TCF7L2: variants seen among roughly 807,000 people sequenced by gnomAD.
TCF7L2 encodes transcription factor 7-like 2.
TCF7L2 carries 23 observed loss-of-function variants against 77.9 expected under a neutral mutation model. The ratio of observed to expected loss-of-function variants is 0.30; its 90% CI spans 0.21 to 0.42. The LOEUF is 0.42. Among genes scored for constraint, TCF7L2 ranks in the 10% least tolerant of loss-of-function variants. The pLI, the probability that TCF7L2 is intolerant of heterozygous loss-of-function variation, is 1.00. For missense variants in TCF7L2, 654 were observed against 793.1 expected, an observed-to-expected ratio of 0.82 and a Z score of 2.11; for synonymous variants, 413 against 340.2, an observed-to-expected ratio of 1.21 and a Z score of -2.36.
At chr10:113,094,073 T>G (rs994083589) in intron 5 of TCF7L2, among the ~76,000 whole-genome samples, 79 of 152,178 alleles carry the variant, frequency 5.2e-4, no homozygotes, top group Non-Finnish European at 9.7e-4. Context: ...TTGCATTTTT[T>G]GGGGTGTGTG....
At chr10:113,131,447 A>G (rs558224603) in intron 5 of TCF7L2, among the ~76,000 whole-genome samples, 1 of 152,282 alleles carries the variant, frequency 6.6e-6, no homozygotes, top group South Asian at 2.1e-4. Flanking sequence ...TGTGTTGCAA[A>G]TGTGTATGTT....
At chr10:113,011,988 A>T (rs547781200) in intron 4 of TCF7L2, among the ~76,000 whole-genome samples, 1 of 151,898 alleles carries the variant, frequency 6.6e-6, no homozygotes, top group Non-Finnish European at 1.5e-5. Flanking sequence ...TTACCGCCTC[A>T]AGTATTGCTC....
chr10:113,103,547 G>A (rs1284012127), intron 5 of TCF7L2, among the ~76,000 whole-genome samples: 4 of 152,200 alleles, frequency 2.6e-5, no homozygotes, highest in Non-Finnish European at 5.9e-5. Context: ...TTTGGAGGGT[G>A]AGCTTTGGAT....
intron 4 of TCF7L2, among the ~76,000 whole-genome samples, chr10:113,002,736 G>A (rs2044719591): frequency 6.6e-6 from 1 of 152,012 alleles, no homozygotes; most frequent in Non-Finnish European, 1.5e-5. Flanking sequence ...TAGAGGTTCT[G>A]TTAAAGTGCC....
In TCF7L2 at chr10:113,165,759, G is replaced by A. The variant is rs1164302963; in HGVS notation, c.1596G>A (p.Met532Ile). The A allele has an allele frequency of 1.9e-6, 3 of 1,609,706 alleles. No homozygotes were observed. The highest frequency in any genetic ancestry group is 2.2e-5 in the East Asian group (1 of 44,710). ...ACCCCCTGGCCCACCTGTCCATGAT[G>A]CCTCCGCCACCCGCCCTCCTGCTCG... Residue 532 changes from methionine (M) to isoleucine (I), a missense_variant, in exon 14 of 14, where the codon ATG becomes ATA. Met to Ile is a conservative substitution (Grantham distance 10, BLOSUM62 1). Coordinates refer to ENST00000627217, the MANE Select transcript of TCF7L2 (RefSeq NM_001146274.2).
At chr10:112,991,843 T>C (rs1368893152) in intron 4 of TCF7L2, among the ~76,000 whole-genome samples, 2 of 152,098 alleles carry the variant, frequency 1.3e-5, no homozygotes, top group Non-Finnish European at 2.9e-5. Context: ...GGCGAACCTA[T>C]GGATTCTGCC....
At position 112,950,653 on chromosome 10, in the gene TCF7L2, T is replaced by G. The variant is rs2030709242; in HGVS notation, c.-104T>G. 1 of 1,370,820 alleles carries G rather than the reference T, an allele frequency of 7.3e-7. No individual in the cohort carries two copies. The highest frequency in any genetic ancestry group is 2.6e-5 in the Admixed American group (1 of 38,096). 84.9% of individuals were successfully genotyped at this position (1,370,820 alleles called of 1,614,324 possible). A position where few individuals can be genotyped will look rare whatever the true frequency, so the allele number is the denominator to read the frequency against. ...GTTCACCTTGGACTCGTCTTTTTCT[T>G]GCAATATTTTTTGGGGGGGCAAAAC... On this transcript the variant is annotated 5_prime_UTR_variant, in exon 1 of 14. Transcript: ENST00000627217.
chr10:113,129,564 T>TA, intron 5 of TCF7L2: 1 of 1,006,184 alleles, frequency 9.9e-7, no homozygotes, highest in Non-Finnish European at 1.2e-6. Flanking sequence ...TGTTTTTTAT[T>TA]TTTAAGATTT....
chr10:113,049,727 A>G (rs938946097), intron 5 of TCF7L2, among the ~76,000 whole-genome samples: 1 of 152,212 alleles, frequency 6.6e-6, no homozygotes, highest in African/African-American at 2.4e-5. Flanking sequence ...CTCTGGAAAG[A>G]GTCCCAAAGC....
chr10:113,052,347 G>C (rs1368401395), intron 5 of TCF7L2, among the ~76,000 whole-genome samples: 5 of 152,208 alleles, frequency 3.3e-5, no homozygotes, highest in Non-Finnish European at 7.3e-5. Context: ...TGAAAGAGGA[G>C]AGAGTAAGAG....
At chr10:113,064,792 G>C (rs540521572) in intron 5 of TCF7L2, among the ~76,000 whole-genome samples, 1 of 152,276 alleles carries the variant, frequency 6.6e-6, no homozygotes, top group East Asian at 1.9e-4. Flanking sequence ...AGCAGCTGAG[G>C]GCTTGGGAAA....
chr10:113,167,616 CT>C lies in TCF7L2; in HGVS notation c.*1645del. 5.0e-6 allele frequency: 1 copy of C among 199,188 alleles called. No individual in the cohort carries two copies. Among genetic ancestry groups the C allele is most frequent in the Non-Finnish European group, 1.0e-5 (1 of 96,470 alleles). The allele number at this position is 199,188 out of a possible 1,614,324, so 12.3% of individuals were successfully genotyped here. On this transcript the variant is annotated 3_prime_UTR_variant, in exon 14 of 14. Coordinates refer to ENST00000627217, the MANE Select transcript of TCF7L2 (RefSeq NM_001146274.2). ...TTTTTGTAATGAATAAATGTTCATGCTGTACAGTATCTGTAGCATGCCGTTC... is the reference window on the plus strand; with the variant it reads ...TTTTTGTAATGAATAAATGTTCATGCGTACAGTATCTGTAGCATGCCGTTC...
chr10:112,957,689 G>T (rs2034024043), intron 3 of TCF7L2, among the ~76,000 whole-genome samples: 1 of 152,146 alleles, frequency 6.6e-6, no homozygotes, highest in South Asian at 2.1e-4. Context: ...GCTCAGCAAA[G>T]ATGGGCTGCG....
chr10:112,994,688 A>G (rs926875194), intron 4 of TCF7L2, among the ~76,000 whole-genome samples: 1 of 152,188 alleles, frequency 6.6e-6, no homozygotes, highest in Non-Finnish European at 1.5e-5. Context: ...GTGACTTTTG[A>G]TTGCCAGAAA....
At chr10:112,971,980 G>A (rs184090202) in intron 4 of TCF7L2, among the ~76,000 whole-genome samples, 1 of 151,898 alleles carries the variant, frequency 6.6e-6, no homozygotes, top group Non-Finnish European at 1.5e-5. Context: ...GTGTGCAGTG[G>A]TGCGATCTCG....
intron 4 of TCF7L2, 115 bp downstream of exon 4, chr10:112,964,739 A>ATGG (rs750227326): frequency 2.2e-4 from 129 of 577,464 alleles, no homozygotes; most frequent in African/African-American, 1.5e-3. Flanking sequence ...GATGATGATG[A>ATGG]TGGTGGTGGT....
At chr10:112,963,298 A>G (rs1423665441) in intron 3 of TCF7L2, among the ~76,000 whole-genome samples, 3 of 151,988 alleles carry the variant, frequency 2.0e-5, no homozygotes, top group Non-Finnish European at 4.4e-5. Flanking sequence ...TTCCACTTTT[A>G]TTTATTTTTT....
chr10:113,047,576 G>C (rs2053676886), intron 5 of TCF7L2, among the ~76,000 whole-genome samples: 2 of 152,164 alleles, frequency 1.3e-5, no homozygotes, highest in Non-Finnish European at 2.9e-5. Context: ...AATATACTCA[G>C]TTCATTTAGG....
Position 113,165,991 on chromosome 10 carries a change from C to CGCT in TCF7L2, c.*23_*25dup, listed in dbSNP as rs2074024511. 1 of 1,465,586 alleles carries CGCT rather than the reference C, an allele frequency of 6.8e-7. No individual in the cohort carries two copies. Among genetic ancestry groups the CGCT allele is most frequent in the East Asian group, 2.4e-5 (1 of 41,728 alleles). The allele number at this position is 1,465,586 out of a possible 1,614,324, so 90.8% of individuals were successfully genotyped here. A position where few individuals can be genotyped will look rare whatever the true frequency, so the allele number is the denominator to read the frequency against. On this transcript the variant is annotated 3_prime_UTR_variant, in exon 14 of 14. Transcript: ENST00000627217. ...AGAATAGCTTTAGCGTCGTGAACCC[C>CGCT]GCTGCTTTGTTTATGGTTTTGTTTC...
Sources: allele counts gnomAD v4.1 joint callset (sites outside exome capture counted in the v4.1 genomes callset), GRCh38; gene constraint gnomAD v4.1.1; transcripts MANE v1.5; gene names NCBI Gene and HGNC (gene_info 2026-07-23, HGNC 2026-07-21).